The following TDG variants were observed in gnomAD, a reference collection of about 807,000 sequenced individuals.
The protein encoded by TDG is G/T mismatch-specific thymine DNA glycosylase.
Under a neutral mutation model 46.1 loss-of-function variants are expected in TDG, and 23 were observed. That is an observed-to-expected ratio of 0.50 (90% CI 0.36 to 0.71). The LOEUF (loss-of-function observed/expected upper bound fraction) is 0.71, where lower values mean the gene tolerates loss of function less well. Ranked by LOEUF, TDG falls within the 30% of genes least tolerant of loss-of-function variation. The pLI is 0.00. For synonymous variants in TDG, 115 were observed against 161.3 expected (o/e 0.71, Z 2.18); for missense variants, 304 against 486.7 (o/e 0.62, Z 3.53).
intron 1 of TDG, among the ~76,000 whole-genome samples, chr12:103,972,097 T>C (rs1481412174): frequency 6.6e-6 from 1 of 152,122 alleles, no homozygotes; most frequent in Non-Finnish European, 1.5e-5. Context: ...GTTGTTATTA[T>C]AATAGAAGAT....
Position 103,976,408 on chromosome 12 carries a change from C to CCACA in TDG, c.24-485_24-482dup, listed in dbSNP as rs144717913. On this transcript the variant is annotated intron_variant, in intron 1 of 9. Coordinates refer to ENST00000392872, the MANE Select transcript of TDG (RefSeq NM_003211.6). The stretch of plus-strand genomic sequence containing the variant: ...GGTGACAGAGGGAGACCCTGTCTCC[C>CCACA]CACACACACACACACACACACACAC... 4.1e-3 allele frequency among the ~76,000 whole-genome samples: 612 copies of CCACA among 147,534 alleles called. 4 individuals are homozygous for CCACA. The highest frequency in any genetic ancestry group is 7.4e-3 in the East Asian group (37 of 4,978).
At chr12:103,982,255 T>C (rs549089947) in intron 4 of TDG, among the ~76,000 whole-genome samples, 1 of 152,340 alleles carries the variant, frequency 6.6e-6, no homozygotes, top group African/African-American at 2.4e-5. Context: ...AAAAAATTCC[T>C]TTTTAAGGGA....
At chr12:103,978,851 T>C (rs908702652) in intron 2 of TDG, among the ~76,000 whole-genome samples, 1 of 152,158 alleles carries the variant, frequency 6.6e-6, no homozygotes, top group African/African-American at 2.4e-5. Flanking sequence ...TCAGGGGTGC[T>C]ATTAAACATT....
chr12:103,976,770 ATC>A, intron 1 of TDG, 146 bp from the exon 2 acceptor site: 1 of 937,592 alleles, frequency 1.1e-6, no homozygotes, highest in Non-Finnish European at 1.6e-6. Context: ...ACAGGACTAG[ATC>A]TCTCCTCTGT....
At chr12:103,974,166 G>A (rs917760584) in intron 1 of TDG, among the ~76,000 whole-genome samples, 2 of 151,976 alleles carry the variant, frequency 1.3e-5, no homozygotes, top group African/African-American at 4.8e-5. Flanking sequence ...AGCTTATCCA[G>A]GAAATGCTTT....
intron 2 of TDG, 75 bp from the exon 3 acceptor site, chr12:103,979,756 G>T (rs777302842): frequency 3.0e-5 from 45 of 1,512,444 alleles, no homozygotes; most frequent in Non-Finnish European, 3.9e-5. Flanking sequence ...TGCTAGTTGG[G>T]TAACTTTTCT....
chr12:103,970,500 A>G (rs186001887), intron 1 of TDG, among the ~76,000 whole-genome samples: 27 of 152,244 alleles, frequency 1.8e-4, no homozygotes, highest in African/African-American at 6.5e-4. Context: ...AGCAACTTAA[A>G]TCCCTAAAAT....
At chr12:103,972,915 C>A in intron 1 of TDG, 1 of 659,846 alleles carries the variant, frequency 1.5e-6, no homozygotes, top group South Asian at 1.7e-5. Flanking sequence ...AGTAAAGAAT[C>A]CTGTTGTAAT....
intron 9 of TDG, 192 bp from the exon 10 acceptor site, chr12:103,986,756 A>G: frequency 1.9e-6 from 1 of 528,586 alleles, no homozygotes; most frequent in Non-Finnish European, 3.3e-6. Flanking sequence ...ACGGTGGCTC[A>G]CACCTGTAAT....
In TDG at chr12:103,983,293, A is replaced by T. The variant is rs745877003; in HGVS notation, c.698-2A>T. The T allele has an allele frequency of 6.3e-7, 1 of 1,575,296 alleles. No individual in the cohort carries two copies. Among genetic ancestry groups the T allele is most frequent in the South Asian group, 1.2e-5 (1 of 83,610 alleles). ...TGTAAATATGTTTGTATTTCATTTTAGGTATTTATGAAATTTTTAGTAAAG... is the reference window on the plus strand; with the variant it reads ...TGTAAATATGTTTGTATTTCATTTTTGGTATTTATGAAATTTTTAGTAAAG... On this transcript the variant is annotated splice_acceptor_variant, in intron 6 of 9. Transcript: ENST00000392872. LOFTEE classifies it high-confidence loss of function.
chr12:103,967,880 G>A (rs11111861), intron 1 of TDG: 114,812 of 143,102 alleles, frequency 0.8, 44,200 homozygotes, highest in East Asian at 1. Context: ...CCAAGATGGA[G>A]TACAGTGGTG....
At chr12:103,985,788 A>T in intron 9 of TDG, 60 bp downstream of exon 9, 1 of 1,408,934 alleles carries the variant, frequency 7.1e-7, no homozygotes, top group Non-Finnish European at 9.3e-7. Context: ...ATTGGGGGGA[A>T]AATTTTAATA....
chr12:103,981,157 A>G (rs1279609802), intron 4 of TDG, among the ~76,000 whole-genome samples, 195 bp downstream of exon 4: 2 of 149,910 alleles, frequency 1.3e-5, no homozygotes, highest in African/African-American at 4.9e-5. Context: ...ATTTTAGTCT[A>G]TGAGAATGGA....
rs2136241290 is a variant in TDG at position 103,982,908 on chromosome 12, C to T, written c.588C>T (p.Thr196=). 6.2e-7 allele frequency: 1 copy of T among 1,614,062 alleles called. No homozygotes were observed. Among genetic ancestry groups the T allele is most frequent in the Non-Finnish European group, 8.5e-7 (1 of 1,180,038 alleles). The change falls in exon 5 of 10, where the codon ACC becomes ACT. Residue 196 remains threonine (T), a synonymous_variant. Transcript: ENST00000392872. Reference sequence around the variant, plus strand: ...GATTTACCAACATGGTGGAAAGGACCACGCCCGGCAGCAAAGATCTCTCCA... The same window carrying T: ...GATTTACCAACATGGTGGAAAGGACTACGCCCGGCAGCAAAGATCTCTCCA... The part of the protein sequence containing the change: ...GIGFTNMVER[T]TPGSKDLSSK...
At chr12:103,980,648 ATC>A in intron 3 of TDG, 1 of 387,094 alleles carries the variant, frequency 2.6e-6, no homozygotes. Flanking sequence ...GAGGCCTGGG[ATC>A]ATAAAGGAGT....
chr12:103,966,679 GC>G (rs1186690420), intron 1 of TDG, among the ~76,000 whole-genome samples: 1 of 151,976 alleles, frequency 6.6e-6, no homozygotes, highest in Non-Finnish European at 1.5e-5. Flanking sequence ...AGAAAAATTT[GC>G]AAAAGCAGGA....
chr12:103,979,255 A>G (rs899699466), intron 2 of TDG, among the ~76,000 whole-genome samples: 2 of 151,604 alleles, frequency 1.3e-5, no homozygotes, highest in Non-Finnish European at 2.9e-5. Context: ...GGTGCACGAC[A>G]CCATGCCTGG....
At chr12:103,985,202 C>T (rs962116790) in intron 8 of TDG, among the ~76,000 whole-genome samples, 1 of 136,142 alleles carries the variant, frequency 7.3e-6, no homozygotes, top group Non-Finnish European at 1.6e-5. Context: ...CACACACACA[C>T]ACACACATTA....
chr12:103,968,359 G>A (rs1170399823), intron 1 of TDG, among the ~76,000 whole-genome samples: 1 of 152,168 alleles, frequency 6.6e-6, no homozygotes, highest in Non-Finnish European at 1.5e-5. Flanking sequence ...CCTTGCATGA[G>A]AGTAGACTTT....
Sources: allele counts gnomAD v4.1 joint callset (sites outside exome capture counted in the v4.1 genomes callset), GRCh38; gene constraint gnomAD v4.1.1; transcripts MANE v1.5; gene names NCBI Gene and HGNC (gene_info 2026-07-23, HGNC 2026-07-21).